MRE11: variants seen among roughly 807,000 people sequenced by gnomAD.
MRE11 encodes the protein MRE11 double strand break repair nuclease.
A neutral mutation model predicts 91.7 loss-of-function variants in MRE11; 62 were observed. That is an observed-to-expected ratio of 0.68 (90% CI 0.55 to 0.84). The LOEUF (loss-of-function observed/expected upper bound fraction) is 0.84. Among genes scored for constraint, MRE11 ranks in the 40% least tolerant of loss-of-function variants. MRE11 has a pLI of 0.00. For missense variants in MRE11, 796 were observed against 852.9 expected (o/e 0.93, Z 0.83); for synonymous variants, 273 against 271.4 (o/e 1.01, Z -0.06).
chr11:94,477,831 AAGCAGTGGGTGGAGCAAGGAG>A (rs1405900662), intron 6 of MRE11, among the ~76,000 whole-genome samples: 2 of 152,164 alleles, frequency 1.3e-5, no homozygotes, highest in African/African-American at 4.8e-5. Context: ...GCAGAAAAGG[AAGCAGTGGGTGGAGCAAGGAG>A]AACAGTGATC....
At chr11:94,494,805 G>A (rs1169052033), upstream of MRE11, among the ~76,000 whole-genome samples, 1 of 152,144 alleles carries the variant, frequency 6.6e-6, no homozygotes, top group Non-Finnish European at 1.5e-5. Flanking sequence ...TTGGGGGAGA[G>A]GGTAAGATCT....
intron 8 of MRE11, among the ~76,000 whole-genome samples, chr11:94,471,317 T>C (rs1008296576): frequency 6.6e-6 from 1 of 152,012 alleles, no homozygotes. Flanking sequence ...CCTTGAAATA[T>C]AATAAAAATG....
At chr11:94,448,276 T>C (rs1046718556) in intron 14 of MRE11, among the ~76,000 whole-genome samples, 7 of 151,968 alleles carry the variant, frequency 4.6e-5, no homozygotes, top group African/African-American at 9.7e-5. Context: ...CTCACAAATA[T>C]ATGGTAAAGA....
chr11:94,481,924 A>G (rs1947023041), intron 4 of MRE11, among the ~76,000 whole-genome samples: 1 of 152,208 alleles, frequency 6.6e-6, no homozygotes, highest in Admixed American at 6.5e-5. Flanking sequence ...TGAAACACAA[A>G]GAGGTAAAGT....
chr11:94,458,182 GT>G lies in MRE11; in HGVS notation c.1500+1225del, dbSNP rs767925495. On this transcript the variant is annotated intron_variant, in intron 13 of 19. Coordinates refer to ENST00000323929, the MANE Select transcript of MRE11 (RefSeq NM_005591.4). ...CAAAAGCACTAAAATAAGGGAATGA[GT>G]TTTTTTTTTTTTTTTAAATAACATT... 3.0e-3 allele frequency among the ~76,000 whole-genome samples: 409 copies of G among 138,094 alleles called. 1 individual carries two copies. The highest frequency in any genetic ancestry group is 7.6e-3 in the Middle Eastern group (2 of 262). 90.6% of individuals were successfully genotyped at this position (138,094 alleles called of 152,430 possible).
At chr11:94,420,433 TAATAAA>T (rs1945140116) in intron 19 of MRE11, among the ~76,000 whole-genome samples, 1 of 152,250 alleles carries the variant, frequency 6.6e-6, no homozygotes. Context: ...TTACTAACCT[TAATAAA>T]GATAAATGAA....
upstream of MRE11, among the ~76,000 whole-genome samples, chr11:94,495,900 C>T (rs1947412276): frequency 6.6e-6 from 1 of 152,158 alleles, no homozygotes; most frequent in South Asian, 2.1e-4. Flanking sequence ...TTATTGAATC[C>T]CAGTACCCAG....
chr11:94,465,980 T>A (rs990290077), intron 10 of MRE11, among the ~76,000 whole-genome samples: 7 of 151,872 alleles, frequency 4.6e-5, no homozygotes, highest in Non-Finnish European at 8.8e-5. Flanking sequence ...TGTACAAAGT[T>A]GGATGAGGAC....
At chr11:94,450,872 A>C (rs1946081069) in intron 14 of MRE11, among the ~76,000 whole-genome samples, 1 of 152,230 alleles carries the variant, frequency 6.6e-6, no homozygotes, top group Non-Finnish European at 1.5e-5. Context: ...TAGAATGAAT[A>C]AATATAAGCA....
At chr11:94,446,590 T>A (rs1945937623) in intron 15 of MRE11, among the ~76,000 whole-genome samples, 1 of 152,150 alleles carries the variant, frequency 6.6e-6, no homozygotes, top group South Asian at 2.1e-4. Context: ...AAAAACAATT[T>A]TAAAAAATCT....
In MRE11 at chr11:94,488,711, T is replaced by C. The variant is rs151297610; in HGVS notation, c.153+2122A>G. Among the ~76,000 whole-genome samples the C allele has an allele frequency of 5.1e-4, 78 of 151,790 alleles. No homozygotes were observed. In the East Asian group the frequency reaches 0.014, roughly 27 times the overall value. On this transcript the variant is annotated intron_variant, in intron 3 of 19. Coordinates refer to ENST00000323929, the MANE Select transcript of MRE11 (RefSeq NM_005591.4). Reference sequence around the variant, plus strand: ...GCAAACTAATGGAGGAACAGAAAAATCAAATACTTGTAAGTGGGAGCTAAA... The same window carrying C: ...GCAAACTAATGGAGGAACAGAAAAACCAAATACTTGTAAGTGGGAGCTAAA...
chr11:94,461,141 C>T, intron 11 of MRE11, 105 bp from the exon 12 acceptor site: 1 of 862,018 alleles, frequency 1.2e-6, no homozygotes, highest in Non-Finnish European at 1.8e-6. Context: ...ACTTTAGCAA[C>T]TGCCAGCTTG....
intron 14 of MRE11, among the ~76,000 whole-genome samples, chr11:94,450,243 A>G (rs766091238): frequency 6.6e-6 from 1 of 152,206 alleles, no homozygotes; most frequent in Non-Finnish European, 1.5e-5. Context: ...TAGAAAGCTA[A>G]TTTTGTATTT....
At chr11:94,465,181 TACTTATATG>T (rs1425398489) in intron 10 of MRE11, among the ~76,000 whole-genome samples, 1 of 152,216 alleles carries the variant, frequency 6.6e-6, no homozygotes, top group Non-Finnish European at 1.5e-5. Context: ...TTTGTAATAT[TACTTATATG>T]ACAATATGTG....
In MRE11 at chr11:94,429,914, A is replaced by T. The variant is rs767288149; in HGVS notation, c.2067T>A (p.Ser689Arg). ...QVSKGVDFES[S>R]EDDDDDPFMN... ...TTTAACAATATTACTTATTTACCTC[A>T]CTTGATTCAAAATCAACCCCTTTCG... The change falls in exon 19 of 20, where the codon AGT becomes AGA. Residue 689 changes from serine (S) to arginine (R), a missense_variant. Ser to Arg is a moderately radical substitution (Grantham distance 110). Coordinates refer to ENST00000323929, the MANE Select transcript of MRE11 (RefSeq NM_005591.4). The T allele has an allele frequency of 1.2e-6, 2 of 1,611,884 alleles. No homozygotes were observed. The highest frequency in any genetic ancestry group is 2.7e-5 in the African/African-American group (2 of 74,844).
At chr11:94,489,099 TAAAC>T (rs907168521) in intron 3 of MRE11, among the ~76,000 whole-genome samples, 1 of 151,452 alleles carries the variant, frequency 6.6e-6, no homozygotes, top group Non-Finnish European at 1.5e-5. Context: ...CAACAGACAA[TAAAC>T]AAGTAAATAA....
intron 6 of MRE11, among the ~76,000 whole-genome samples, 181 bp downstream of exon 6, chr11:94,478,554 G>T (rs556910349): frequency 6.6e-6 from 1 of 152,084 alleles, no homozygotes; most frequent in East Asian, 1.9e-4. Flanking sequence ...ATAATAAATA[G>T]TAACGAAAAG....
At chr11:94,459,142 C>T (rs926692474) in intron 13 of MRE11, among the ~76,000 whole-genome samples, 1 of 152,162 alleles carries the variant, frequency 6.6e-6, no homozygotes, top group Non-Finnish European at 1.5e-5. Context: ...CTACAAGGTT[C>T]ACTTTAAAGC....
the MRE11 span, among the ~76,000 whole-genome samples, chr11:94,508,683 A>C: frequency 6.6e-6 from 1 of 151,360 alleles, no homozygotes; most frequent in Non-Finnish European, 1.5e-5. Flanking sequence ...CATAAGTCTT[A>C]TTATGTGGTA....
Sources: allele counts gnomAD v4.1 joint callset (sites outside exome capture counted in the v4.1 genomes callset), GRCh38; gene constraint gnomAD v4.1.1; transcripts MANE v1.5; gene names NCBI Gene and HGNC (gene_info 2026-07-23, HGNC 2026-07-21).